Variants in PRRG1 observed in about 807,000 individuals in gnomAD.
PRRG1 encodes transmembrane gamma-carboxyglutamic acid protein 1.
A neutral mutation model predicts 11.8 loss-of-function variants in PRRG1; 5 were observed. The ratio of observed to expected loss-of-function variants is 0.42; its 90% CI spans 0.22 to 0.89. PRRG1 has a LOEUF of 0.89. Ranked by LOEUF, PRRG1 falls within the 40% of genes least tolerant of loss-of-function variation. The pLI, the probability that PRRG1 is intolerant of heterozygous loss-of-function variation, is 0.28. For synonymous variants in PRRG1, 66 were observed against 60.4 expected (o/e 1.09, Z -0.43); for missense variants, 155 against 166.1 (o/e 0.93, Z 0.37).
At chrX:37,359,725 C>T (rs978968366) in intron 1 of PRRG1, among the ~76,000 whole-genome samples, 7 of 111,543 alleles carry the variant, frequency 6.3e-5, no homozygotes, top group African/African-American at 9.8e-5. Context: ...CTTAAGTGTT[C>T]GGTAGAATTC....
chrX:37,404,760 T>A (rs1260829548), intron 1 of PRRG1, among the ~76,000 whole-genome samples: 2 of 111,904 alleles, frequency 1.8e-5, no homozygotes, highest in African/African-American at 6.5e-5. Flanking sequence ...GATGTGTTGA[T>A]GAGAAGTCAT....
chrX:37,451,885 A>G (rs1921153866), intron 3 of PRRG1, among the ~76,000 whole-genome samples: 1 of 112,093 alleles, frequency 8.9e-6, no homozygotes, highest in Admixed American at 9.4e-5. Flanking sequence ...TCTAAATTCC[A>G]TGCCCTCATG....
chrX:37,438,965 G>A (rs782563720), intron 3 of PRRG1, among the ~76,000 whole-genome samples: 1 of 111,557 alleles, frequency 9.0e-6, no homozygotes, highest in Admixed American at 9.5e-5. Context: ...TCCCCTCTAG[G>A]GCAGGACATT....
chrX:37,375,325 C>T (rs1325941568), intron 1 of PRRG1, among the ~76,000 whole-genome samples: 1 of 111,500 alleles, frequency 9.0e-6, no homozygotes, highest in Non-Finnish European at 1.9e-5. Context: ...GCATTTCCTT[C>T]TTCCAGGTCA....
chrX:37,400,760 G>C (rs188519088), intron 1 of PRRG1, among the ~76,000 whole-genome samples: 5,960 of 111,124 alleles, frequency 0.054, 180 homozygotes, highest in Non-Finnish European at 0.082. Context: ...GAAGAAAAGA[G>C]AGAAGAATCA....
Position 37,453,298 on chromosome X carries a change from A to G in PRRG1, c.334A>G (p.Arg112Gly). 8.3e-7 allele frequency: 1 copy of G among 1,209,529 alleles called. No individual in the cohort carries two copies. ...WRCFLRNKTR[R>G]QTVTEGHIPF... ...ATGCTTCCTAAGAAACAAAACTCGT[A>G]GACAGACAGTGACTGAAGGCCACAT... Residue 112 changes from arginine (R) to glycine (G), a missense_variant, in exon 4 of 4, where the codon AGA (arginine) becomes GGA (glycine). By Grantham distance (125) the Arg-to-Gly change is moderately radical. Coordinates refer to ENST00000378628, the MANE Select transcript of PRRG1 (RefSeq NM_001142395.2).
rs149208431 is a variant in PRRG1 at position 37,432,375 on chromosome X, T to C, written c.171+6375T>C. On this transcript the variant is annotated intron_variant, in intron 3 of 3. Coordinates refer to ENST00000378628, the MANE Select transcript of PRRG1 (RefSeq NM_001142395.2). ...TGCTGGGATTACAGGCGTGAGCCAC[T>C]GCACCCGGACCGTGAACAATGTTTT... Among the ~76,000 whole-genome samples, 529 of 112,215 alleles carry C rather than the reference T, an allele frequency of 4.7e-3. 1 individual carries two copies. Among genetic ancestry groups the C allele is most frequent in the African/African-American group, 0.015 (462 of 30,911 alleles).
chrX:37,452,896 A>G (rs1921197123), intron 3 of PRRG1, among the ~76,000 whole-genome samples: 1 of 112,286 alleles, frequency 8.9e-6, no homozygotes, highest in African/African-American at 3.2e-5. Context: ...AATAACTCCA[A>G]GTCTTTAAAA....
At chrX:37,401,223 CA>C (rs1204998855) in intron 1 of PRRG1, among the ~76,000 whole-genome samples, 1 of 110,784 alleles carries the variant, frequency 9.0e-6, no homozygotes, top group Non-Finnish European at 1.9e-5. Flanking sequence ...AACATTGATG[CA>C]AAAATCCTCA....
At chrX:37,364,193 C>A (rs5917507) in intron 1 of PRRG1, among the ~76,000 whole-genome samples, 21,509 of 109,447 alleles carry the variant, frequency 0.2, 2,488 homozygotes, top group African/African-American at 0.43. Flanking sequence ...GTCTATATCA[C>A]CCCCTCCAAA....
chrX:37,449,360 T>G (rs1921031413), intron 3 of PRRG1, among the ~76,000 whole-genome samples: 1 of 112,230 alleles, frequency 8.9e-6, no homozygotes, highest in Non-Finnish European at 1.9e-5. Flanking sequence ...TTGATCAGAT[T>G]GCAAAACATG....
At chrX:37,407,169 T>C (rs1328257752) in intron 2 of PRRG1, among the ~76,000 whole-genome samples, 1 of 111,762 alleles carries the variant, frequency 8.9e-6, no homozygotes, top group Non-Finnish European at 1.9e-5. Flanking sequence ...GGGTCTCTGT[T>C]TGGGGCACCA....
chrX:37,401,432 C>A (rs1294351361), intron 1 of PRRG1, among the ~76,000 whole-genome samples: 3 of 111,353 alleles, frequency 2.7e-5, no homozygotes, highest in Admixed American at 9.5e-5. Context: ...CAAAATTCAA[C>A]AACCCTTCAT....
chrX:37,437,671 G>A (rs1461958912), intron 3 of PRRG1, among the ~76,000 whole-genome samples: 4 of 111,773 alleles, frequency 3.6e-5, no homozygotes, highest in African/African-American at 1.3e-4. Context: ...TAGAACCCTA[G>A]GGCAGCAACT....
chrX:37,420,668 C>CAAAAAAAAAAAAAAAAAAAAAAAA (rs1302856034), intron 2 of PRRG1, among the ~76,000 whole-genome samples: 3 of 29,533 alleles, frequency 1.0e-4, no homozygotes, highest in African/African-American at 2.8e-4. Flanking sequence ...CCCGTCTATG[C>CAAAAAAAAAAAAAAAAAAAAAAAA]AAAAAAAAAA....
At chrX:37,413,069 T>A (rs1201604316) in intron 2 of PRRG1, among the ~76,000 whole-genome samples, 1 of 111,443 alleles carries the variant, frequency 9.0e-6, no homozygotes, top group Non-Finnish European at 1.9e-5. Context: ...AAGCAGTCAC[T>A]TAATCCCTTC....
chrX:37,423,547 T>G (rs1296477369), intron 2 of PRRG1, among the ~76,000 whole-genome samples: 1 of 110,331 alleles, frequency 9.1e-6, no homozygotes, highest in Non-Finnish European at 1.9e-5. Context: ...TAATTTTAAT[T>G]TTTTTGAGAT....
chrX:37,375,979 C>T (rs782020867), intron 1 of PRRG1, among the ~76,000 whole-genome samples: 2 of 111,266 alleles, frequency 1.8e-5, no homozygotes, highest in East Asian at 2.8e-4. Flanking sequence ...TCTGTATCTG[C>T]CTGTCTGTCT....
At chrX:37,357,546 G>A (rs993246416) in intron 1 of PRRG1, among the ~76,000 whole-genome samples, 4 of 111,966 alleles carry the variant, frequency 3.6e-5, no homozygotes, top group Admixed American at 2.8e-4. Context: ...AATAAATGTC[G>A]TAAGTTTTAA....
Sources: gnomAD v4.1 joint callset for allele counts (sites outside exome capture counted in the v4.1 genomes callset) on GRCh38, gnomAD v4.1.1 for gene constraint, MANE v1.5 for transcripts, NCBI Gene and HGNC (gene_info 2026-07-23, HGNC 2026-07-21) for gene names.